Variants in JMJD1C observed in about 807,000 individuals in gnomAD.
JMJD1C encodes the protein jumonji domain containing 1C.
A neutral mutation model predicts 245.3 loss-of-function variants in JMJD1C; 31 were observed. That is an observed-to-expected ratio of 0.13 (90% confidence interval 0.09 to 0.17). The LOEUF (loss-of-function observed/expected upper bound fraction) is 0.17, where lower values mean the gene tolerates loss of function less well. Ranked by LOEUF, JMJD1C falls within the 10% of genes least tolerant of loss-of-function variation. The pLI is 1.00. For synonymous variants in JMJD1C, 1,057 were observed against 1,017.4 expected (o/e 1.04, Z -0.74); for missense variants, 2,691 against 3,000.2 (o/e 0.90, Z 2.41).
At chr10:63,293,322 T>C (rs1859001410) in intron 2 of JMJD1C, among the ~76,000 whole-genome samples, 1 of 152,132 alleles carries the variant, frequency 6.6e-6, no homozygotes, top group Non-Finnish European at 1.5e-5. Context: ...TAGAGATAAG[T>C]AGTGTGTAGA....
chr10:63,316,498 A>G (rs1203008311), intron 2 of JMJD1C, among the ~76,000 whole-genome samples: 1 of 151,850 alleles, frequency 6.6e-6, no homozygotes, highest in Non-Finnish European at 1.5e-5. Context: ...TCCAGGCTGG[A>G]GTGCAATGGC....
At chr10:63,277,316 AG>A (rs1856891961) in intron 2 of JMJD1C, among the ~76,000 whole-genome samples, 2 of 151,202 alleles carry the variant, frequency 1.3e-5, no homozygotes, top group Non-Finnish European at 2.9e-5. Context: ...GGGGCTTTTA[AG>A]GGTTGGTGTC....
At position 63,419,834 on chromosome 10, in the gene JMJD1C, T is replaced by TG. The variant is rs773860683; in HGVS notation, c.169-39353_169-39352insC. 2.6e-5 allele frequency among the ~76,000 whole-genome samples: 3 copies of TG among 114,524 alleles called. No homozygotes were observed. In the South Asian group the frequency reaches 9.4e-4, roughly 36 times the overall value. 75.1% of individuals were successfully genotyped at this position (114,524 alleles called of 152,430 possible). ...AAAGAAATACAAATCCTCCATGAAA[T>TG]AAAAAAAAAAAAAAAAAAAAAGGCC... On this transcript the variant is annotated intron_variant, in intron 1 of 25. Transcript: ENST00000399262.
intron 2 of JMJD1C, among the ~76,000 whole-genome samples, chr10:63,297,394 G>C (rs748849244): frequency 2.5e-4 from 38 of 152,198 alleles, no homozygotes; most frequent in Non-Finnish European, 1.6e-4. Context: ...TCTGCAGATA[G>C]GAGCTACCTA....
chr10:63,208,180 T>C lies in JMJD1C; in HGVS notation c.3489A>G (p.Ile1163Met), dbSNP rs1846882491. The stretch of plus-strand genomic sequence containing the variant: ...CAATCTGATGTGGAAGATGTTCTGG[T>C]ATCTTGCCTACTAAACCTTCACTTT... ...QPESEGLVGKIPEHLPHQIAS... is the reference protein window; with the variant it reads ...QPESEGLVGKMPEHLPHQIAS... The change falls in exon 10 of 26, where the codon ATA becomes ATG. Residue 1163 changes from isoleucine (I) to methionine (M), a missense_variant. Physicochemically the swap from Ile to Met is conservative, Grantham distance 10 (BLOSUM62 1). Coordinates refer to ENST00000399262, the MANE Select transcript of JMJD1C (RefSeq NM_032776.3). 1 of 1,613,588 alleles carries C rather than the reference T, an allele frequency of 6.2e-7. No homozygotes were observed.
intron 1 of JMJD1C, among the ~76,000 whole-genome samples, chr10:63,438,271 G>C (rs1951171011): frequency 6.6e-6 from 1 of 152,060 alleles, no homozygotes; most frequent in African/African-American, 2.4e-5. Context: ...CAAAACCTTA[G>C]AACCCATCTT....
rs1476775427 is a variant in JMJD1C at position 63,209,217 on chromosome 10, G to A, written c.2713C>T (p.Leu905=). Reference sequence around the variant, plus strand: ...GAGGTCACAGGGGTGGGCTGATGTAGCCAAGGACTGGGAGAATTCTATTAA... The same window carrying A: ...GAGGTCACAGGGGTGGGCTGATGTAACCAAGGACTGGGAGAATTCTATTAA... ...SLRRNSPSPW[L]HQPTPVTSAD... Residue 905 remains leucine (L), a synonymous_variant, in exon 9 of 26, where the codon CTA becomes TTA. Transcript: ENST00000399262. The A allele has an allele frequency of 6.2e-7, 1 of 1,606,342 alleles. No individual in the cohort carries two copies. Among genetic ancestry groups the A allele is most frequent in the South Asian group, 1.1e-5 (1 of 89,344 alleles).
At chr10:63,169,496 G>T (rs1305104988) in intron 24 of JMJD1C, among the ~76,000 whole-genome samples, 8 of 152,062 alleles carry the variant, frequency 5.3e-5, no homozygotes, top group Non-Finnish European at 1.2e-4. Flanking sequence ...TAATTGGGAG[G>T]AGTGAGATGA....
Position 63,339,829 on chromosome 10 carries a change from C to T in JMJD1C, c.333+40489G>A, listed in dbSNP as rs183094727. 4.6e-5 allele frequency among the ~76,000 whole-genome samples: 7 copies of T among 152,244 alleles called. No homozygotes were observed. The South Asian group carries it at 6.2e-4, about 14-fold the overall frequency. Reference sequence around the variant, plus strand: ...TTGTACCAGTAGCTCAGGTTCACTGCGGAGAAGCTGGACTGAATGATGACT... The same window carrying T: ...TTGTACCAGTAGCTCAGGTTCACTGTGGAGAAGCTGGACTGAATGATGACT... On this transcript the variant is annotated intron_variant, in intron 2 of 25. Transcript: ENST00000399262.
At chr10:63,194,242 GA>G in intron 14 of JMJD1C, 43 bp downstream of exon 14, 2 of 1,201,576 alleles carry the variant, frequency 1.7e-6, no homozygotes, top group Non-Finnish European at 2.5e-6. Flanking sequence ...CCTTAATCTG[GA>G]GCAACCAAGA....
chr10:63,243,742 C>T (rs1196892298), intron 3 of JMJD1C, among the ~76,000 whole-genome samples: 1 of 152,084 alleles, frequency 6.6e-6, no homozygotes, highest in Non-Finnish European at 1.5e-5. Flanking sequence ...AAGAAATACA[C>T]AATGCTGAGA....
At chr10:63,229,978 G>C (rs1849765069) in intron 3 of JMJD1C, among the ~76,000 whole-genome samples, 1 of 152,138 alleles carries the variant, frequency 6.6e-6, no homozygotes, top group African/African-American at 2.4e-5. Flanking sequence ...ATCAGATATG[G>C]AGGCCTAAGT....
At chr10:63,270,534 TTGG>T (rs1856170128) in intron 2 of JMJD1C, among the ~76,000 whole-genome samples, 1 of 152,070 alleles carries the variant, frequency 6.6e-6, no homozygotes, top group Non-Finnish European at 1.5e-5. Context: ...TGGCGCGATC[TTGG>T]CTCACTGCAA....
chr10:63,277,677 A>G (rs1030369520), intron 2 of JMJD1C, among the ~76,000 whole-genome samples: 3 of 151,692 alleles, frequency 2.0e-5, no homozygotes, highest in East Asian at 3.9e-4. Flanking sequence ...AATTTTTAAA[A>G]AACAAATTGA....
At chr10:63,398,097 T>G (rs575264731) in intron 1 of JMJD1C, among the ~76,000 whole-genome samples, 1 of 152,326 alleles carries the variant, frequency 6.6e-6, no homozygotes, top group East Asian at 1.9e-4. Flanking sequence ...GAAAGAAGTA[T>G]TAATTCTCTA....
chr10:63,216,280 T>A (rs1456228986), intron 5 of JMJD1C, among the ~76,000 whole-genome samples: 1 of 152,170 alleles, frequency 6.6e-6, no homozygotes, highest in African/African-American at 2.4e-5. Flanking sequence ...CTCTATCAGA[T>A]AATCTCCACA....
chr10:63,259,483 T>G (rs919352173), intron 3 of JMJD1C, among the ~76,000 whole-genome samples: 4 of 152,210 alleles, frequency 2.6e-5, no homozygotes, highest in African/African-American at 4.8e-5. Context: ...GGCAACTGTT[T>G]GAGCTATTTT....
intron 2 of JMJD1C, among the ~76,000 whole-genome samples, chr10:63,326,425 T>TAAATAAATAAAG (rs745783867): frequency 2.2e-5 from 3 of 139,260 alleles, no homozygotes; most frequent in South Asian, 2.3e-4. Context: ...AATAAATAAA[T>TAAATAAATAAAG]AAAGATAATA....
intron 2 of JMJD1C, among the ~76,000 whole-genome samples, chr10:63,322,828 T>TA (rs1941060361): frequency 1.3e-5 from 2 of 150,762 alleles, no homozygotes; most frequent in South Asian, 4.2e-4. Context: ...AAAAAACTTT[T>TA]TTTTTTTTCC....
Sources: allele counts gnomAD v4.1 joint callset (sites outside exome capture counted in the v4.1 genomes callset), GRCh38; gene constraint gnomAD v4.1.1; transcripts MANE v1.5; gene names NCBI Gene and HGNC (gene_info 2026-07-23, HGNC 2026-07-21).